The following DENND4A variants were observed in gnomAD, a reference collection of about 807,000 sequenced individuals.
The protein encoded by DENND4A is DENN domain containing 4A.
Under a neutral mutation model 199.3 loss-of-function variants are expected in DENND4A, and 70 were observed. The ratio of observed to expected loss-of-function variants is 0.35; its 90% CI spans 0.29 to 0.43. The LOEUF (loss-of-function observed/expected upper bound fraction) is 0.43. Ranked by LOEUF, DENND4A falls within the 20% of genes least tolerant of loss-of-function variation. DENND4A has a pLI of 1.00. For synonymous variants in DENND4A, 686 were observed against 766.9 expected (o/e 0.89, Z 1.74); for missense variants, 1,723 against 2,255.8 (o/e 0.76, Z 4.78).
At chr15:65,691,717 C>T (rs1406831419) in intron 22 of DENND4A, among the ~76,000 whole-genome samples, 1 of 152,008 alleles carries the variant, frequency 6.6e-6, no homozygotes. Context: ...AAAAGGAACA[C>T]TCAGAGAGAT....
chr15:65,772,810 T>C (rs1239099515), intron 1 of DENND4A, among the ~76,000 whole-genome samples: 1 of 150,996 alleles, frequency 6.6e-6, no homozygotes, highest in East Asian at 1.9e-4. Flanking sequence ...ATGCAGAATT[T>C]GAATCTAGAG....
At chr15:65,759,935 A>AT (rs1321447091) in intron 2 of DENND4A, among the ~76,000 whole-genome samples, 1 of 152,008 alleles carries the variant, frequency 6.6e-6, no homozygotes, top group Non-Finnish European at 1.5e-5. Flanking sequence ...TATTTTGCTA[A>AT]TTTTTTTTAA....
chr15:65,696,838 G>T, intron 21 of DENND4A: 1 of 290,202 alleles, frequency 3.4e-6, no homozygotes, highest in Non-Finnish European at 6.8e-6. Flanking sequence ...TTTCAGGTCA[G>T]ATGGGTAATG....
intron 1 of DENND4A, chr15:65,771,607 T>C (rs1303343850): frequency 1.9e-6 from 3 of 1,612,470 alleles, no homozygotes. Flanking sequence ...CTCTTTCATG[T>C]CCACTATGTC....
At chr15:65,726,389 T>G (rs1390812697) in intron 11 of DENND4A, among the ~76,000 whole-genome samples, 2 of 152,210 alleles carry the variant, frequency 1.3e-5, no homozygotes. Flanking sequence ...AACATTAACC[T>G]GGCAAGGAAA....
At chr15:65,724,942 T>A (rs530429253) in intron 11 of DENND4A, among the ~76,000 whole-genome samples, 2 of 152,104 alleles carry the variant, frequency 1.3e-5, no homozygotes, top group Non-Finnish European at 2.9e-5. Flanking sequence ...TTATTCCCAG[T>A]GCCTAGCAAA....
At chr15:65,768,839 A>G (rs1012287468) in intron 1 of DENND4A, among the ~76,000 whole-genome samples, 5 of 151,776 alleles carry the variant, frequency 3.3e-5, no homozygotes, top group Admixed American at 6.6e-5. Flanking sequence ...CAAAAAAAAG[A>G]AAAAAATAGC....
chr15:65,778,910 A>G (rs2077358991), intron 1 of DENND4A, among the ~76,000 whole-genome samples: 1 of 150,604 alleles, frequency 6.6e-6, no homozygotes. Context: ...AAAAAAAAAA[A>G]GGCTATGTTG....
intron 27 of DENND4A, among the ~76,000 whole-genome samples, chr15:65,668,549 G>A (rs971470992): frequency 6.6e-6 from 1 of 152,052 alleles, no homozygotes; most frequent in African/African-American, 2.4e-5. Flanking sequence ...GGTCGGGCGA[G>A]GTGGCTCACA....
At chr15:65,778,938 G>A (rs2077360393) in intron 1 of DENND4A, among the ~76,000 whole-genome samples, 1 of 151,254 alleles carries the variant, frequency 6.6e-6, no homozygotes, top group Admixed American at 6.6e-5. Flanking sequence ...CTCAGAGGAG[G>A]CCAACATGCA....
chr15:65,725,145 A>G (rs552723980), intron 11 of DENND4A, among the ~76,000 whole-genome samples: 264 of 152,302 alleles, frequency 1.7e-3, no homozygotes, highest in Middle Eastern at 3.4e-3. Context: ...CTTCTTATAA[A>G]AAAGATCATC....
intron 7 of DENND4A, among the ~76,000 whole-genome samples, chr15:65,733,410 A>G (rs935809890): frequency 6.6e-6 from 1 of 152,120 alleles, no homozygotes; most frequent in African/African-American, 2.4e-5. Flanking sequence ...GGAATAAGCT[A>G]TTTTATTTCT....
chr15:65,701,322 T>C, intron 18 of DENND4A, 130 bp from the exon 19 acceptor site: 2 of 758,698 alleles, frequency 2.6e-6, no homozygotes, highest in Non-Finnish European at 3.9e-6. Flanking sequence ...ATCCCAGCAA[T>C]TTGGGAGGCT....
At chr15:65,766,912 C>A (rs946799918) in intron 1 of DENND4A, 3 of 152,160 alleles carry the variant, frequency 2.0e-5, no homozygotes, top group Non-Finnish European at 2.9e-5. Flanking sequence ...CTGTCCCTCA[C>A]CCAGAAATTA....
At chr15:65,754,533 G>A (rs866789623) in intron 3 of DENND4A, among the ~76,000 whole-genome samples, 5 of 152,078 alleles carry the variant, frequency 3.3e-5, no homozygotes, top group Admixed American at 2.0e-4. Context: ...ACTGATAAGC[G>A]GCTTTATCTA....
At chr15:65,685,041 A>G (rs7171204) in intron 23 of DENND4A, among the ~76,000 whole-genome samples, 7,776 of 151,606 alleles carry the variant, frequency 0.051, 595 homozygotes, top group African/African-American at 0.16. Flanking sequence ...TAGCCAGGCT[A>G]GTCTTAAACT....
At chr15:65,740,654 A>T (rs1235951133) in intron 5 of DENND4A, among the ~76,000 whole-genome samples, 2 of 151,668 alleles carry the variant, frequency 1.3e-5, no homozygotes, top group Non-Finnish European at 2.9e-5. Context: ...AAAAGGTGAT[A>T]AATTGTAGAT....
chr15:65,686,378 C>T (rs1391478236), intron 23 of DENND4A, among the ~76,000 whole-genome samples: 1 of 152,106 alleles, frequency 6.6e-6, no homozygotes, highest in African/African-American at 2.4e-5. Context: ...ATAAAAGTAG[C>T]TGATTGTGTT....
intron 1 of DENND4A, among the ~76,000 whole-genome samples, chr15:65,789,375 T>C (rs2077654843): frequency 6.6e-6 from 1 of 152,086 alleles, no homozygotes; most frequent in African/African-American, 2.4e-5. Flanking sequence ...AAAGTACATT[T>C]CTACATTGGT....
Sources: gnomAD v4.1 joint callset for allele counts (sites outside exome capture counted in the v4.1 genomes callset) on GRCh38, gnomAD v4.1.1 for gene constraint, MANE v1.5 for transcripts, NCBI Gene and HGNC (gene_info 2026-07-23, HGNC 2026-07-21) for gene names.